The following SPAG1 variants were observed in gnomAD, a reference collection of about 807,000 sequenced individuals.
SPAG1 encodes sperm-associated antigen 1.
A neutral mutation model predicts 100.5 loss-of-function variants in SPAG1; 69 were observed. The observed-to-expected ratio is 0.69, with a 90% confidence interval of 0.57 to 0.84. The LOEUF (loss-of-function observed/expected upper bound fraction) is 0.84, where lower values mean the gene tolerates loss of function less well. SPAG1 is among the 40% of genes least tolerant of loss of function. The probability of loss-of-function intolerance (pLI) is 0.00; values close to 1 mark genes in which losing one functional copy is unlikely to be tolerated. For missense variants in SPAG1, 955 were observed against 1,133.1 expected (o/e 0.84, Z 2.26); for synonymous variants, 336 against 411.6 (o/e 0.82, Z 2.22).
intron 4 of SPAG1, among the ~76,000 whole-genome samples, chr8:100,180,631 C>CA (rs1471432852): frequency 1.3e-5 from 2 of 152,084 alleles, no homozygotes; most frequent in Admixed American, 1.3e-4. Context: ...ATAAGGCATA[C>CA]AAAAAATAGA....
At chr8:100,220,573 A>T (rs188279614) in intron 13 of SPAG1, 142 bp downstream of exon 13, 2 of 689,550 alleles carry the variant, frequency 2.9e-6, no homozygotes, top group Non-Finnish European at 4.8e-6. Context: ...ATTCCATTAC[A>T]TCAAATGGTT....
chr8:100,233,642 T>A, intron 16 of SPAG1, 105 bp downstream of exon 16: 4 of 1,171,228 alleles, frequency 3.4e-6, no homozygotes, highest in Non-Finnish European at 4.7e-6. Context: ...AGGTTATTCT[T>A]GGATTTAATC....
At chr8:100,207,875 C>T (rs1039367504) in intron 10 of SPAG1, among the ~76,000 whole-genome samples, 18 of 152,266 alleles carry the variant, frequency 1.2e-4, no homozygotes, top group African/African-American at 4.3e-4. Context: ...GTAGAATGGC[C>T]TTTTGAAGTC....
rs1461559811 is a variant in SPAG1, at chr8:100,239,485, A to G, written c.2280+81A>G. 2 of 907,610 alleles carry G rather than the reference A, an allele frequency of 2.2e-6. No individual in the cohort carries two copies. The highest frequency in any genetic ancestry group is 4.9e-5 in the East Asian group (2 of 40,898). The allele number at this position is 907,610 out of a possible 1,614,324, so 56.2% of individuals were successfully genotyped here. On this transcript the variant is annotated intron_variant, in intron 17 of 18. Coordinates refer to ENST00000388798, the MANE Select transcript of SPAG1 (RefSeq NM_003114.5). The surrounding 1 kb of genome is among the most constrained non-coding windows in gnomAD (Gnocchi z 5.0). ...CTAAGGTCATATTCCTGTGAGTTCT[A>G]AAACATTTTTAATTTTGTGTTTTTA...
Position 100,225,455 on chromosome 8 carries a change from A to T in SPAG1, c.1855+116A>T, listed in dbSNP as rs187029627. On this transcript the variant is annotated intron_variant, in intron 14 of 18. Coordinates refer to ENST00000388798, the MANE Select transcript of SPAG1 (RefSeq NM_003114.5). ...CTAGAATCAGACCTAGGTTTAAGTGAAGTCCCTGTTCTCCCTATTTTATTA... is the reference window on the plus strand; with the variant it reads ...CTAGAATCAGACCTAGGTTTAAGTGTAGTCCCTGTTCTCCCTATTTTATTA... 3 of 889,216 alleles carry T rather than the reference A, an allele frequency of 3.4e-6. No individual in the cohort carries two copies. The African/African-American group carries it at 5.0e-5, about 15-fold the overall frequency. 55.1% of individuals were successfully genotyped at this position (889,216 alleles called of 1,614,324 possible).
intron 3 of SPAG1, among the ~76,000 whole-genome samples, chr8:100,176,434 C>T (rs889810588): frequency 6.6e-6 from 1 of 150,920 alleles, no homozygotes; most frequent in Admixed American, 6.6e-5. Flanking sequence ...GGTGCAATCT[C>T]GGCTCGCTAC....
In SPAG1 at chr8:100,208,283, C is replaced by T. The variant is rs116665979; in HGVS notation, c.1097-4807C>T. ...CACAGTGTTGGCTGGGTGATTGACC[C>T]GGACTCTCAAGACAAAATCAGTCTA... On this transcript the variant is annotated intron_variant, in intron 10 of 18. Coordinates refer to ENST00000388798, the MANE Select transcript of SPAG1 (RefSeq NM_003114.5). 6.4e-3 allele frequency among the ~76,000 whole-genome samples: 972 copies of T among 152,234 alleles called. 9 individuals carry two copies. The highest frequency in any genetic ancestry group is 0.022 in the African/African-American group (915 of 41,536).
In SPAG1 at chr8:100,213,177, G is replaced by A; in HGVS notation, c.1184G>A (p.Gly395Asp). Residue 395 changes from glycine (G) to aspartate (D), a missense_variant, in exon 11 of 19, where the codon GGC (glycine) becomes GAC (aspartate). By Grantham distance (94) the Gly-to-Asp change is moderately conservative. Coordinates refer to ENST00000388798, the MANE Select transcript of SPAG1 (RefSeq NM_003114.5). ...AAGAAGCTGACTGGCAAAGCCGAAGGCGGCAAGCGGCCGGCAAGGGGCGCG... is the reference window on the plus strand; with the variant it reads ...AAGAAGCTGACTGGCAAAGCCGAAGACGGCAAGCGGCCGGCAAGGGGCGCG... ...IQKKLTGKAE[G>D]GKRPARGAPQ... 6.8e-7 allele frequency: 1 copy of A among 1,472,576 alleles called. No homozygotes were observed. The highest frequency in any genetic ancestry group is 8.9e-7 in the Non-Finnish European group (1 of 1,118,042). 91.2% of individuals were successfully genotyped at this position (1,472,576 alleles called of 1,614,324 possible).
intron 13 of SPAG1, among the ~76,000 whole-genome samples, chr8:100,224,740 T>A (rs1208528707): frequency 6.6e-6 from 1 of 152,224 alleles, no homozygotes; most frequent in Non-Finnish European, 1.5e-5. Flanking sequence ...AATGTGGTTA[T>A]CATAATGTAC....
Position 100,214,988 on chromosome 8 carries a change from CATATATATATATATATATAT to C in SPAG1, c.1535+1113_1535+1132del, listed in dbSNP as rs71274967. 8.2e-3 allele frequency among the ~76,000 whole-genome samples: 563 copies of C among 68,772 alleles called. 6 individuals are homozygous for C. The highest frequency in any genetic ancestry group is 0.011 in the Admixed American group (57 of 5,348). The allele number at this position is 68,772 out of a possible 152,430, so 45.1% of individuals were successfully genotyped here. ...GACAAGAGACTCTGTAAACTTTACT[CATATATATATATATATATAT>C]ATATATATATATATATATATATATA... On this transcript the variant is annotated intron_variant, in intron 12 of 18. Transcript: ENST00000388798.
In SPAG1 at chr8:100,188,258, C is replaced by A. The variant is rs149145780; in HGVS notation, c.832+1008C>A. ...CCTCCACTTCCCAGTCTCAAGTGAT[C>A]CTCCCACCTCAGCCTACCAAGTAGC... On this transcript the variant is annotated intron_variant, in intron 8 of 18. Transcript: ENST00000388798. Among the ~76,000 whole-genome samples the A allele has an allele frequency of 4.0e-3, 606 of 152,012 alleles. 4 individuals are homozygous for A. Among genetic ancestry groups the A allele is most frequent in the African/African-American group, 0.014 (562 of 41,430 alleles).
At chr8:100,183,274 C>G (rs1416474282) in intron 4 of SPAG1, 101 bp from the exon 5 acceptor site, 1 of 588,112 alleles carries the variant, frequency 1.7e-6, no homozygotes, top group Non-Finnish European at 3.0e-6. Flanking sequence ...CACCTGGCTT[C>G]CATTTGTATA....
chr8:100,238,099 T>G (rs1407207120), intron 16 of SPAG1, among the ~76,000 whole-genome samples: 2 of 152,188 alleles, frequency 1.3e-5, no homozygotes, highest in Non-Finnish European at 2.9e-5. Flanking sequence ...TATTACTTCC[T>G]CAACTTGCCC....
At chr8:100,186,418 C>T (rs187526324) in intron 7 of SPAG1, among the ~76,000 whole-genome samples, 138 of 152,162 alleles carry the variant, frequency 9.1e-4, no homozygotes, top group Middle Eastern at 6.8e-3. Flanking sequence ...CTTACATCAA[C>T]GGTTTTTTTT....
At chr8:100,223,831 T>C (rs1429563934) in intron 13 of SPAG1, among the ~76,000 whole-genome samples, 3 of 152,088 alleles carry the variant, frequency 2.0e-5, no homozygotes, top group African/African-American at 7.2e-5. Context: ...TATACATTAA[T>C]TTAAATTTTT....
At chr8:100,197,723 G>A (rs1367059426) in intron 10 of SPAG1, among the ~76,000 whole-genome samples, 1 of 152,182 alleles carries the variant, frequency 6.6e-6, no homozygotes, top group Non-Finnish European at 1.5e-5. Context: ...ACCTTGTCTG[G>A]TAATGCTGTC....
At chr8:100,190,045 T>C (rs573338318) in intron 8 of SPAG1, among the ~76,000 whole-genome samples, 8 of 152,286 alleles carry the variant, frequency 5.3e-5, no homozygotes, top group African/African-American at 1.4e-4. Flanking sequence ...GCGCGGTGGC[T>C]CATGCCTGTA....
chr8:100,231,031 AT>A (rs1436263280), intron 14 of SPAG1, 124 bp from the exon 15 acceptor site: 1 of 690,338 alleles, frequency 1.4e-6, no homozygotes, highest in East Asian at 2.9e-5. Context: ...TTCTAGTTAG[AT>A]TTTCACCCTG....
intron 12 of SPAG1, 27 bp from the exon 13 acceptor site, chr8:100,220,252 G>A (rs1389454230): frequency 1.3e-6 from 2 of 1,590,466 alleles, no homozygotes; most frequent in Non-Finnish European, 1.7e-6. Flanking sequence ...CAAAACAAAT[G>A]GTATGTAATA....
Sources: gnomAD v4.1 joint callset for allele counts (sites outside exome capture counted in the v4.1 genomes callset) on GRCh38, gnomAD v4.1.1 for gene constraint, Gnocchi (gnomAD v3.1) non-coding constraint, MANE v1.5 for transcripts, NCBI Gene and HGNC (gene_info 2026-07-23, HGNC 2026-07-21) for gene names.